The following PTPN12 variants were observed in gnomAD, a reference collection of about 807,000 sequenced individuals.
PTPN12 encodes the protein tyrosine-protein phosphatase non-receptor type 12.
A neutral mutation model predicts 97.6 loss-of-function variants in PTPN12; 29 were observed. That is an observed-to-expected ratio of 0.30 (90% CI 0.22 to 0.41). PTPN12 has a LOEUF of 0.41. Among genes scored for constraint, PTPN12 ranks in the 10% least tolerant of loss-of-function variants. PTPN12 has a pLI of 1.00. For synonymous variants in PTPN12, 327 were observed against 300.4 expected, an observed-to-expected ratio of 1.09 and a Z score of -0.91; for missense variants, 819 against 926.0, an observed-to-expected ratio of 0.88 and a Z score of 1.50.
At chr7:77,631,672 T>C (rs1789402186) in intron 13 of PTPN12, among the ~76,000 whole-genome samples, 1 of 152,200 alleles carries the variant, frequency 6.6e-6, no homozygotes, top group African/African-American at 2.4e-5. Flanking sequence ...TTTTTACTAG[T>C]GAAAAACCTG....
At chr7:77,628,949 C>A (rs948116913) in intron 13 of PTPN12, among the ~76,000 whole-genome samples, 8 of 152,102 alleles carry the variant, frequency 5.3e-5, no homozygotes, top group African/African-American at 1.9e-4. Flanking sequence ...ATTTGGTAGA[C>A]TAGATGACAG....
At chr7:77,556,663 C>T (rs1419584884) in intron 1 of PTPN12, among the ~76,000 whole-genome samples, 1 of 151,942 alleles carries the variant, frequency 6.6e-6, no homozygotes, top group Non-Finnish European at 1.5e-5. Flanking sequence ...TCCTGGCCAA[C>T]ATGGTGAAAC....
At chr7:77,605,666 C>A (rs1472094669) in intron 8 of PTPN12, among the ~76,000 whole-genome samples, 1 of 151,718 alleles carries the variant, frequency 6.6e-6, no homozygotes, top group Admixed American at 6.6e-5. Flanking sequence ...GGTGATCCGC[C>A]CTCCTTGGCC....
intron 11 of PTPN12, among the ~76,000 whole-genome samples, chr7:77,614,749 T>C (rs1010019049): frequency 6.6e-6 from 1 of 152,144 alleles, no homozygotes; most frequent in Non-Finnish European, 1.5e-5. Context: ...TTGAGAAAAA[T>C]CATCTTAGAA....
At chr7:77,597,947 G>A in intron 7 of PTPN12, 46 bp downstream of exon 7, 1 of 1,596,078 alleles carries the variant, frequency 6.3e-7, no homozygotes, top group Non-Finnish European at 8.5e-7. Context: ...TAGTTTTCAG[G>A]CTGGGTGCAG....
At chr7:77,563,728 T>A (rs1340414107) in intron 1 of PTPN12, among the ~76,000 whole-genome samples, 1 of 152,156 alleles carries the variant, frequency 6.6e-6, no homozygotes, top group East Asian at 1.9e-4. Context: ...TAGCCATGCA[T>A]TTCTGAAAAA....
intron 16 of PTPN12, among the ~76,000 whole-genome samples, chr7:77,638,160 A>G (rs1003158251): frequency 2.0e-5 from 3 of 151,360 alleles, no homozygotes; most frequent in East Asian, 2.0e-4. Flanking sequence ...GGGTTTCACC[A>G]TGTTAGCCAG....
At chr7:77,542,308 TC>T (rs1807016084) in intron 1 of PTPN12, among the ~76,000 whole-genome samples, 1 of 152,170 alleles carries the variant, frequency 6.6e-6, no homozygotes, top group Non-Finnish European at 1.5e-5. Flanking sequence ...CATCTCACCT[TC>T]TCCAGCCTGC....
chr7:77,607,664 A>G (rs556129209), intron 9 of PTPN12, among the ~76,000 whole-genome samples: 54 of 152,364 alleles, frequency 3.5e-4, no homozygotes, highest in African/African-American at 1.2e-3. Flanking sequence ...TTGGGGAACA[A>G]TGTGACAGTG....
intron 7 of PTPN12, among the ~76,000 whole-genome samples, chr7:77,599,199 T>C (rs137955623): frequency 5.3e-4 from 80 of 152,218 alleles, no homozygotes; most frequent in African/African-American, 1.8e-3. Flanking sequence ...TTGCATTGTT[T>C]ATATAATTAT....
intron 12 of PTPN12, among the ~76,000 whole-genome samples, 157 bp from the exon 13 acceptor site, chr7:77,626,548 C>T (rs981212899): frequency 6.6e-6 from 1 of 152,118 alleles, no homozygotes; most frequent in Non-Finnish European, 1.5e-5. Context: ...TGTGTATTAC[C>T]TTGATGAACA....
chr7:77,541,676 C>G (rs1806980429), intron 1 of PTPN12, among the ~76,000 whole-genome samples: 1 of 152,048 alleles, frequency 6.6e-6, no homozygotes, highest in African/African-American at 2.4e-5. Flanking sequence ...TGGTTGAAAA[C>G]TGATATCTTG....
At chr7:77,608,460 C>T (rs1036469117) in intron 9 of PTPN12, among the ~76,000 whole-genome samples, 4 of 152,130 alleles carry the variant, frequency 2.6e-5, no homozygotes, top group Non-Finnish European at 5.9e-5. Flanking sequence ...ATACAGCCTT[C>T]ATTATAGATT....
chr7:77,537,682 G>A, intron 1 of PTPN12, 37 bp downstream of exon 1: 3 of 1,548,266 alleles, frequency 1.9e-6, no homozygotes, highest in Admixed American at 3.9e-5. Context: ...TTTCTTGCCG[G>A]CGCCGGAGCC....
chr7:77,609,982 A>C lies in PTPN12; in HGVS notation c.763-783A>C, dbSNP rs544912769. On this transcript the variant is annotated intron_variant, in intron 9 of 17. Transcript: ENST00000248594. Reference sequence around the variant, plus strand: ...CATTTTTAACCCTTCCATCTTAATCACTCCAAAATATTCTTGTTGATAACA... The same window carrying C: ...CATTTTTAACCCTTCCATCTTAATCCCTCCAAAATATTCTTGTTGATAACA... Among the ~76,000 whole-genome samples, 5 of 152,112 alleles carry C rather than the reference A, an allele frequency of 3.3e-5. No individual in the cohort carries two copies. The South Asian group carries it at 1.0e-3, about 32-fold the overall frequency.
At chr7:77,538,960 A>G (rs62476229) in intron 1 of PTPN12, 38,730 of 152,088 alleles carry the variant, frequency 0.25, 5,217 homozygotes, top group South Asian at 0.3. Context: ...TGGGTAAGGT[A>G]CACCTCGAAG....
At chr7:77,550,493 A>T (rs971008881) in intron 1 of PTPN12, among the ~76,000 whole-genome samples, 9 of 152,224 alleles carry the variant, frequency 5.9e-5, no homozygotes, top group African/African-American at 2.2e-4. Flanking sequence ...ATCCCTAAGA[A>T]CTGAGGGTCC....
intron 11 of PTPN12, among the ~76,000 whole-genome samples, chr7:77,615,356 A>T (rs1262421882): frequency 1.3e-5 from 2 of 152,196 alleles, no homozygotes; most frequent in East Asian, 3.8e-4. Context: ...AATATTAGAT[A>T]ATTTGTTTCT....
At chr7:77,555,552 A>G (rs988641894) in intron 1 of PTPN12, among the ~76,000 whole-genome samples, 1 of 152,060 alleles carries the variant, frequency 6.6e-6, no homozygotes, top group African/African-American at 2.4e-5. Context: ...TTCCTCAGCC[A>G]TGTCTAGTCT....
Sources: gnomAD v4.1 joint callset for allele counts (sites outside exome capture counted in the v4.1 genomes callset) on GRCh38, gnomAD v4.1.1 for gene constraint, MANE v1.5 for transcripts, NCBI Gene and HGNC (gene_info 2026-07-23, HGNC 2026-07-21) for gene names.